The following KIF12 variants were observed in gnomAD, a reference collection of about 807,000 sequenced individuals.
KIF12 encodes the protein kinesin family member 12.
A neutral mutation model predicts 87.9 loss-of-function variants in KIF12; 80 were observed. That is an observed-to-expected ratio of 0.91 (90% CI 0.76 to 1.10). The LOEUF (loss-of-function observed/expected upper bound fraction) is 1.10. Among genes scored for constraint, KIF12 ranks in the 50% least tolerant of loss-of-function variants. The pLI is 0.00. For synonymous variants in KIF12, 353 were observed against 348.5 expected, an observed-to-expected ratio of 1.01 and a Z score of -0.14; for missense variants, 819 against 865.3, an observed-to-expected ratio of 0.95 and a Z score of 0.67.
intron 4 of KIF12, 48 bp downstream of exon 4, chr9:114,098,253 TC>T: frequency 2.0e-6 from 3 of 1,514,848 alleles, no homozygotes; most frequent in Non-Finnish European, 2.6e-6. Flanking sequence ...TGGGGGTGCT[TC>T]GGGGCCCCGC....
In KIF12 at chr9:114,095,463, T is replaced by C. The variant is rs948418427; in HGVS notation, c.896-131A>G. On this transcript the variant is annotated intron_variant, in intron 9 of 18. Coordinates refer to ENST00000640217, the MANE Select transcript of KIF12 (RefSeq NM_001388308.1). ...AAACCCATCTTTCCACATGATCTCA[T>C]GACTCAGTCAGATTGGTCTCCACCA... 4 of 969,122 alleles carry C rather than the reference T, an allele frequency of 4.1e-6. No homozygotes were observed. In the African/African-American group the frequency reaches 6.5e-5, roughly 16 times the overall value. The allele number at this position is 969,122 out of a possible 1,614,324, so 60.0% of individuals were successfully genotyped here.
rs759275317 is a variant in KIF12, at chr9:114,097,673, G to T, written c.444C>A (p.Asp148Glu). The T allele has an allele frequency of 6.2e-7, 1 of 1,614,148 alleles. No homozygotes were observed. Among genetic ancestry groups the T allele is most frequent in the East Asian group, 2.2e-5 (1 of 44,854 alleles). The change falls in exon 6 of 19, where the codon GAC (aspartate) becomes GAA (glutamate). Residue 148 changes from aspartate to glutamate, a missense_variant. Coordinates refer to ENST00000640217, the MANE Select transcript of KIF12 (RefSeq NM_001388308.1). The stretch of plus-strand genomic sequence containing the variant: ...CAGGGGCACCCAGGTGCTGCACGCG[G>T]TCCAACAGCCAGGCGAAGGTCCTCT... ...IMQRTFAWLL[D>E]RVQHLGAPVT... is the part of the protein sequence containing the mutation.
intron 14 of KIF12, 29 bp downstream of exon 14, chr9:114,093,857 C>G (rs1216635081): frequency 2.5e-6 from 4 of 1,591,392 alleles, no homozygotes; most frequent in Admixed American, 1.7e-5. Flanking sequence ...TGTCCAGAGG[C>G]CTGGCTCCAA....
Position 114,097,672 on chromosome 9 carries a change from G to A in KIF12, c.445C>T (p.Arg149Cys), listed in dbSNP as rs145677058. The A allele has an allele frequency of 6.2e-7, 1 of 1,613,974 alleles. No homozygotes were observed. The highest frequency in any genetic ancestry group is 1.3e-5 in the African/African-American group (1 of 74,898). Residue 149 changes from arginine (R) to cysteine (C), a missense_variant, in exon 6 of 19, where the codon CGC (arginine) becomes TGC (cysteine). Arg to Cys is a radical substitution (Grantham distance 180). Transcript: ENST00000640217. ...ACAGGGGCACCCAGGTGCTGCACGC[G>A]GTCCAACAGCCAGGCGAAGGTCCTC... ...MQRTFAWLLD[R>C]VQHLGAPVTL...
At position 114,096,111 on chromosome 9, in the gene KIF12, C is replaced by T. The variant is rs747292364; in HGVS notation, c.835G>A (p.Gly279Arg). The stretch of plus-strand genomic sequence containing the variant: ...TCAAGCATCAGCTCCCCACGGGATC[C>T]CGTGGCTGCTACCTTCTCACTGCCT... ...LAGSEKVAAT[G>R]SRGELMLEAN... Residue 279 changes from glycine to arginine, a missense_variant, in exon 9 of 19, where the codon GGA (glycine) becomes AGA (arginine). Transcript: ENST00000640217. The T allele has an allele frequency of 6.2e-7, 1 of 1,613,808 alleles. No individual in the cohort carries two copies. Among genetic ancestry groups the T allele is most frequent in the Non-Finnish European group, 8.5e-7 (1 of 1,180,018 alleles).
At chr9:114,092,214 T>C in intron 18 of KIF12, 119 bp downstream of exon 18, 1 of 1,493,054 alleles carries the variant, frequency 6.7e-7, no homozygotes, top group African/African-American at 1.4e-5. Context: ...AGAAAGATCT[T>C]AGAAGCCACC....
At chr9:114,092,791 G>A (rs1847048660) in intron 16 of KIF12, 149 bp from the exon 17 acceptor site, 25 of 1,469,130 alleles carry the variant, frequency 1.7e-5, no homozygotes, top group Admixed American at 2.7e-5. Context: ...GGTCTTGGTC[G>A]CCTTCTGTGT....
intron 10 of KIF12, 38 bp downstream of exon 10, chr9:114,095,176 C>G: frequency 6.2e-7 from 1 of 1,611,354 alleles, no homozygotes; most frequent in South Asian, 1.1e-5. Context: ...GCCCCTTCCT[C>G]AAGACCCAAC....
Position 114,099,139 on chromosome 9 carries a change from T to C in KIF12, c.57A>G (p.Pro19=). The C allele has an allele frequency of 3.2e-6, 5 of 1,550,632 alleles. No homozygotes were observed. The highest frequency in any genetic ancestry group is 4.4e-6 in the Non-Finnish European group (5 of 1,146,978). The part of the protein sequence containing the change: ...GDLARSLEQG[P]EGPETPIQVV... ...CCTGGATGGGCGTTTCCGGCCCCTC[T>C]GGCCCTTGCTCCAGGCTCCGCGCGA... The change falls in exon 2 of 19, where the codon CCA becomes CCG. Residue 19 remains proline, a synonymous_variant. Coordinates refer to ENST00000640217, the MANE Select transcript of KIF12 (RefSeq NM_001388308.1).
rs771523637 is a variant in KIF12, at chr9:114,091,721, A to AC, written c.*139dup. 18 of 812,018 alleles carry AC rather than the reference A, an allele frequency of 2.2e-5. No individual in the cohort carries two copies. The highest frequency in any genetic ancestry group is 1.8e-5 in the African/African-American group (1 of 56,478). 50.3% of individuals were successfully genotyped at this position (812,018 alleles called of 1,614,324 possible). On this transcript the variant is annotated 3_prime_UTR_variant, in exon 19 of 19. Coordinates refer to ENST00000640217, the MANE Select transcript of KIF12 (RefSeq NM_001388308.1). ...GAATCCCCTTGTTCCCCTAAATAGC[A>AC]CCCCCAGTCCCCGCCCCTAGCCCAG...
chr9:114,095,336 G>A lies in KIF12; in HGVS notation c.896-4C>T. ...AGCAGCAGGGAGATGCAGTGACCTG[G>A]GGAGGGAGAGCAAGAGTTAGGAAGG... On this transcript the variant is annotated splice_region_variant and splice_polypyrimidine_tract_variant and intron_variant, in intron 9 of 18. Coordinates refer to ENST00000640217, the MANE Select transcript of KIF12 (RefSeq NM_001388308.1). 6.2e-7 allele frequency: 1 copy of A among 1,612,238 alleles called. No homozygotes were observed. Among genetic ancestry groups the A allele is most frequent in the Non-Finnish European group, 8.5e-7 (1 of 1,179,772 alleles).
At chr9:114,096,500 A>G in intron 7 of KIF12, 22 bp from the exon 8 acceptor site, 3 of 1,578,328 alleles carry the variant, frequency 1.9e-6, no homozygotes, top group Non-Finnish European at 2.6e-6. Context: ...AAACATCAGG[A>G]GCTGGACCTG....
At chr9:114,095,876 G>C (rs1444881086) in intron 9 of KIF12, among the ~76,000 whole-genome samples, 175 bp downstream of exon 9, 2 of 152,170 alleles carry the variant, frequency 1.3e-5, no homozygotes, top group Non-Finnish European at 2.9e-5. Context: ...AGTGTTTTAC[G>C]AAGGGAGAAG....
intron 11 of KIF12, among the ~76,000 whole-genome samples, chr9:114,094,750 A>C (rs1847141056): frequency 6.6e-6 from 1 of 152,118 alleles, no homozygotes; most frequent in Non-Finnish European, 1.5e-5. Flanking sequence ...TAGGCCCCAC[A>C]TCAACTCCCA....
intron 11 of KIF12, 142 bp from the exon 12 acceptor site, chr9:114,094,597 T>C: frequency 1.6e-6 from 1 of 617,146 alleles, no homozygotes; most frequent in African/African-American, 1.8e-5. Context: ...CACAAGGCTG[T>C]ATCTGCCTGG....
At chr9:114,097,805 GT>G (rs1847300443) in intron 5 of KIF12, 64 bp from the exon 6 acceptor site, 1 of 1,524,686 alleles carries the variant, frequency 6.6e-7, no homozygotes, top group Non-Finnish European at 8.9e-7. Context: ...TGTAGCGCAT[GT>G]ATGATACCGT....
At chr9:114,093,850 C>G (rs946282906) in intron 14 of KIF12, 36 bp downstream of exon 14, 1 of 1,574,288 alleles carries the variant, frequency 6.4e-7, no homozygotes. Flanking sequence ...TGCCCTCTGT[C>G]CAGAGGCCTG....
At position 114,093,422 on chromosome 9, in the gene KIF12, T is replaced by C. The variant is rs1407614122; in HGVS notation, c.1476A>G (p.Pro492=). 1 of 1,568,010 alleles carries C rather than the reference T, an allele frequency of 6.4e-7. No homozygotes were observed. The highest frequency in any genetic ancestry group is 8.6e-7 in the Non-Finnish European group (1 of 1,156,096). Residue 492 remains proline (P), a synonymous_variant, in exon 15 of 19, where the codon CCA becomes CCG. Transcript: ENST00000640217. ...TGAGACTCACATGGCAAGGGGGAGC[T>C]GGGGCCATCAAGCAGGGACACGGTG... ...LTPPCPCLMA[P]APPCHALPPL... is the part of the protein sequence containing the mutation.
Position 114,092,461 on chromosome 9 carries a change from G to A in KIF12, c.1698-10C>T, listed in dbSNP as rs749314382. 11 of 1,613,616 alleles carry A rather than the reference G, an allele frequency of 6.8e-6. No homozygotes were observed. The highest frequency in any genetic ancestry group is 9.3e-6 in the Non-Finnish European group (11 of 1,179,908). ...CCAGTCACTGTGACTCCTGGGCCAG[G>A]GTGAGTTGGGAGATGGGAGGTGAGC... On this transcript the variant is annotated splice_polypyrimidine_tract_variant and intron_variant, in intron 17 of 18. Coordinates refer to ENST00000640217, the MANE Select transcript of KIF12 (RefSeq NM_001388308.1).
Sources: allele counts gnomAD v4.1 joint callset (sites outside exome capture counted in the v4.1 genomes callset), GRCh38; gene constraint gnomAD v4.1.1; transcripts MANE v1.5; gene names NCBI Gene and HGNC (gene_info 2026-07-23, HGNC 2026-07-21).